Variants in TRAFD1 observed in about 807,000 individuals in gnomAD.
TRAFD1 encodes TRAF-type zinc finger domain containing 1.
Under a neutral mutation model 65.3 loss-of-function variants are expected in TRAFD1, and 38 were observed. The ratio of observed to expected loss-of-function variants is 0.58; its 90% CI spans 0.45 to 0.76. TRAFD1 has a LOEUF of 0.76. TRAFD1 is among the 30% of genes least tolerant of loss of function. TRAFD1 has a pLI of 0.00. For missense variants in TRAFD1, 631 were observed against 712.6 expected, an observed-to-expected ratio of 0.89 and a Z score of 1.30; for synonymous variants, 223 against 257.2, an observed-to-expected ratio of 0.87 and a Z score of 1.27.
At position 112,145,637 on chromosome 12, in the gene TRAFD1, C is replaced by G. The variant is rs2030217236; in HGVS notation, c.902C>G (p.Pro301Arg). The change falls in exon 7 of 12, where the codon CCA becomes CGA. Residue 301 changes from proline (P) to arginine (R), a missense_variant. Transcript: ENST00000412615. ...LPCEFCEELY[P>R]EELLIDHQTS... is the part of the protein sequence containing the mutation. ...TGTGAATTTTGTGAGGAGCTCTACCCAGAGGAACTGCTGATTGACCATCAG... is the reference window on the plus strand; with the variant it reads ...TGTGAATTTTGTGAGGAGCTCTACCGAGAGGAACTGCTGATTGACCATCAG... 2 of 1,613,974 alleles carry G rather than the reference C, an allele frequency of 1.2e-6. No homozygotes were observed. Among genetic ancestry groups the G allele is most frequent in the African/African-American group, 2.7e-5 (2 of 74,914 alleles).
At chr12:112,146,763 T>C (rs561974309) in intron 7 of TRAFD1, among the ~76,000 whole-genome samples, 16 of 152,284 alleles carry the variant, frequency 1.1e-4, no homozygotes, top group Admixed American at 8.5e-4. Context: ...ACCTCTCTTA[T>C]AGTTTGTCAC....
In TRAFD1 at chr12:112,153,594, C is replaced by G. The variant is rs1385729977; in HGVS notation, c.*803C>G. The G allele has an allele frequency of 1.3e-5, 2 of 152,162 alleles. No homozygotes were observed. The highest frequency in any genetic ancestry group is 4.8e-5 in the African/African-American group (2 of 41,402). The allele number at this position is 152,162 out of a possible 1,614,324, so 9.4% of individuals were successfully genotyped here. ...CCTTGTAATAGAAATAAAGTTTGTA[C>G]TTGGAGTTCAGCTCAGTCTTGTGGT... is the stretch of plus-strand genomic sequence containing the variant. On this transcript the variant is annotated 3_prime_UTR_variant, in exon 12 of 12. Transcript: ENST00000412615.
In TRAFD1 at chr12:112,127,561, T is replaced by C. The variant is rs1056897461; in HGVS notation, c.-13+1943T>C. Reference sequence around the variant, plus strand: ...TCACTGTAGCCTCGACCTCCTGGGCTCAAGCCTCCCAAGTAGCTGGGACTA... The same window carrying C: ...TCACTGTAGCCTCGACCTCCTGGGCCCAAGCCTCCCAAGTAGCTGGGACTA... On this transcript the variant is annotated intron_variant, in intron 1 of 11. Coordinates refer to ENST00000412615, the MANE Select transcript of TRAFD1 (RefSeq NM_006700.3). Among the ~76,000 whole-genome samples the C allele has an allele frequency of 5.2e-4, 79 of 151,882 alleles. 1 individual carries two copies. The highest frequency in any genetic ancestry group is 1.9e-3 in the African/African-American group (78 of 41,308).
rs573515657 is a variant in TRAFD1 at position 112,130,225 on chromosome 12, G to A, written c.-12-286G>A. Among the ~76,000 whole-genome samples, 1 of 151,984 alleles carries A rather than the reference G, an allele frequency of 6.6e-6. No individual in the cohort carries two copies. Among genetic ancestry groups the A allele is most frequent in the South Asian group, 2.1e-4 (1 of 4,810 alleles). On this transcript the variant is annotated intron_variant, in intron 1 of 11. Coordinates refer to ENST00000412615, the MANE Select transcript of TRAFD1 (RefSeq NM_006700.3). This position sits in a 1 kb window ranked among gnomAD's most constrained non-coding sequence, Gnocchi z 4.4. ...GGGCTCAAGTGATCCGCCTGCCTCG[G>A]CCTCCCAAAGTACTGAGATTACAGG...
At chr12:112,143,729 GTTTTTTTTTTTTTT>G (rs869247106) in intron 6 of TRAFD1, among the ~76,000 whole-genome samples, 1 of 121,764 alleles carries the variant, frequency 8.2e-6, no homozygotes, top group African/African-American at 3.1e-5. Context: ...TCCCGCTTTG[GTTTTTTTTTTTTTT>G]TTTTTTTGAG....
intron 6 of TRAFD1, among the ~76,000 whole-genome samples, chr12:112,144,868 A>G (rs1301463503): frequency 6.6e-6 from 1 of 152,164 alleles, no homozygotes; most frequent in Non-Finnish European, 1.5e-5. Flanking sequence ...AGGCAACAGA[A>G]AAAAAATCAC....
At chr12:112,144,937 A>C (rs2030196794) in intron 6 of TRAFD1, among the ~76,000 whole-genome samples, 1 of 152,186 alleles carries the variant, frequency 6.6e-6, no homozygotes, top group African/African-American at 2.4e-5. Context: ...CTGTGACCCC[A>C]AACCTATGTA....
At chr12:112,134,288 G>T (rs562613020) in intron 2 of TRAFD1, among the ~76,000 whole-genome samples, 134 of 147,884 alleles carry the variant, frequency 9.1e-4, no homozygotes, top group African/African-American at 3.2e-3. Context: ...GGGATTACAG[G>T]CGTGAGCCAC....
Position 112,140,901 on chromosome 12 carries a change from A to T in TRAFD1, c.320A>T (p.Asp107Val). Residue 107 changes from aspartate (D) to valine (V), a missense_variant, in exon 5 of 12, where the codon GAT becomes GTT. Asp to Val is a radical substitution (Grantham distance 152). Coordinates refer to ENST00000412615, the MANE Select transcript of TRAFD1 (RefSeq NM_006700.3). Reference protein sequence around the residue: ...LSILKLKEHEDYCGARTELCG... With the variant: ...LSILKLKEHEVYCGARTELCG... Reference sequence around the variant, plus strand: ...ATTCTCAAACTGAAGGAACATGAAGATTATTGTGGTGCCCGGACGGAACTA... The same window carrying T: ...ATTCTCAAACTGAAGGAACATGAAGTTTATTGTGGTGCCCGGACGGAACTA... The T allele has an allele frequency of 6.2e-7, 1 of 1,614,194 alleles. No individual in the cohort carries two copies. Among genetic ancestry groups the T allele is most frequent in the Non-Finnish European group, 8.5e-7 (1 of 1,180,044 alleles).
rs2030080305 is a variant in TRAFD1, at chr12:112,141,193, T to C, written c.612T>C (p.Ile204=). The C allele has an allele frequency of 6.2e-7, 1 of 1,614,024 alleles. No homozygotes were observed. Among genetic ancestry groups the C allele is most frequent in the Admixed American group, 1.7e-5 (1 of 59,994 alleles). ...ATAGAACTACCAACCAAAGGAACAT[T>C]ACAGCCCAGGTTTCAATTCAGAATA... ...FHNRTTNQRN[I]TAQVSIQNNL... is the part of the protein sequence containing the mutation. The change falls in exon 5 of 12, where the codon ATT becomes ATC. Residue 204 remains isoleucine (I), a synonymous_variant. Transcript: ENST00000412615.
chr12:112,138,647 C>A (rs181132682), intron 4 of TRAFD1, among the ~76,000 whole-genome samples: 3 of 151,376 alleles, frequency 2.0e-5, no homozygotes, highest in African/African-American at 7.3e-5. Flanking sequence ...CACATGAGGT[C>A]AAGAGTTCAA....
chr12:112,146,578 C>G (rs1475326649), intron 7 of TRAFD1, among the ~76,000 whole-genome samples: 1 of 152,196 alleles, frequency 6.6e-6, no homozygotes, highest in Non-Finnish European at 1.5e-5. Flanking sequence ...CTGCACATTA[C>G]TTTATCTACC....
chr12:112,139,663 T>TCTGC (rs2030027763), intron 4 of TRAFD1, among the ~76,000 whole-genome samples: 1 of 152,190 alleles, frequency 6.6e-6, no homozygotes, highest in Middle Eastern at 3.2e-3. Context: ...CTTCAGGTGA[T>TCTGC]CTGCCTGCCT....
chr12:112,148,657 T>A (rs2030321928), intron 8 of TRAFD1, among the ~76,000 whole-genome samples: 1 of 152,198 alleles, frequency 6.6e-6, no homozygotes, highest in Non-Finnish European at 1.5e-5. Flanking sequence ...GAGACTTGCA[T>A]TCTAGGAGAC....
chr12:112,151,679 T>C (rs548511530), intron 9 of TRAFD1, 122 bp from the exon 10 acceptor site: 6 of 969,296 alleles, frequency 6.2e-6, no homozygotes. Flanking sequence ...TTTACAGGCA[T>C]GAGCCACCAC....
Position 112,142,241 on chromosome 12 carries a change from G to C in TRAFD1, c.796G>C (p.Val266Leu), listed in dbSNP as rs754314059. 2.5e-6 allele frequency: 4 copies of C among 1,613,918 alleles called. No homozygotes were observed. The Middle Eastern group carries it at 5.0e-4, about 200-fold the overall frequency. ...SVAEQDFWRA[V>L]CEADQSHGGP... is the part of the protein sequence containing the mutation. ...GGCAGAGCAGGACTTCTGGAGGGCCGTATGTGAGGCCGACCAGTCTCATGG... is the reference window on the plus strand; with the variant it reads ...GGCAGAGCAGGACTTCTGGAGGGCCCTATGTGAGGCCGACCAGTCTCATGG... The change falls in exon 6 of 12, where the codon GTA becomes CTA. Residue 266 changes from valine to leucine, a missense_variant. Physicochemically the swap from Val to Leu is conservative, Grantham distance 32. Transcript: ENST00000412615.
At chr12:112,145,118 A>G (rs2030200529) in intron 6 of TRAFD1, among the ~76,000 whole-genome samples, 1 of 152,154 alleles carries the variant, frequency 6.6e-6, no homozygotes, top group Non-Finnish European at 1.5e-5. Flanking sequence ...TTTAAAATGT[A>G]TCGATTTGTT....
Position 112,135,825 on chromosome 12 carries a change from G to GT in TRAFD1, c.237+778dup, listed in dbSNP as rs753306363. On this transcript the variant is annotated intron_variant, in intron 4 of 11. Coordinates refer to ENST00000412615, the MANE Select transcript of TRAFD1 (RefSeq NM_006700.3). ...CTAGTTGAGATAAAACTGGCCAAAG[G>GT]TTTTTTTTTTTTTTTTTTTAAATAC... Among the ~76,000 whole-genome samples, 819 of 131,574 alleles carry GT rather than the reference G, an allele frequency of 6.2e-3. 4 individuals carry two copies. Among genetic ancestry groups the GT allele is most frequent in the Admixed American group, 7.5e-3 (97 of 12,886 alleles). 86.3% of individuals were successfully genotyped at this position (131,574 alleles called of 152,430 possible).
At chr12:112,127,198 T>C (rs572655622) in intron 1 of TRAFD1, among the ~76,000 whole-genome samples, 1 of 152,212 alleles carries the variant, frequency 6.6e-6, no homozygotes, top group Admixed American at 6.5e-5. Context: ...CTTTGTCTTT[T>C]CGTGGTTGGC....
Sources: gnomAD v4.1 joint callset for allele counts (sites outside exome capture counted in the v4.1 genomes callset) on GRCh38, gnomAD v4.1.1 for gene constraint, Gnocchi (gnomAD v3.1) non-coding constraint, MANE v1.5 for transcripts, NCBI Gene and HGNC (gene_info 2026-07-23, HGNC 2026-07-21) for gene names.